DOCK2: variants seen among roughly 807,000 people sequenced by gnomAD.
DOCK2 encodes the protein dedicator of cytokinesis 2.
DOCK2 carries 87 observed loss-of-function variants against 248.9 expected under a neutral mutation model. That is an observed-to-expected ratio of 0.35 (90% confidence interval 0.29 to 0.42). The LOEUF (loss-of-function observed/expected upper bound fraction) is 0.42, where lower values mean the gene tolerates loss of function less well. Among genes scored for constraint, DOCK2 ranks in the 10% least tolerant of loss-of-function variants. DOCK2 has a pLI of 1.00. For synonymous variants in DOCK2, 805 were observed against 821.6 expected (o/e 0.98, Z 0.35); for missense variants, 1,747 against 2,300.2 (o/e 0.76, Z 4.92).
At chr5:169,922,324 T>A (rs1310495502) in intron 27 of DOCK2, among the ~76,000 whole-genome samples, 1 of 152,230 alleles carries the variant, frequency 6.6e-6, no homozygotes, top group Non-Finnish European at 1.5e-5. Context: ...GAACCCCTGA[T>A]AATATTCATC....
At chr5:169,823,525 G>A (rs1039375415) in intron 26 of DOCK2, among the ~76,000 whole-genome samples, 3 of 152,160 alleles carry the variant, frequency 2.0e-5, no homozygotes, top group Non-Finnish European at 2.9e-5. Flanking sequence ...AAAACCACAT[G>A]ACTGTCTCAA....
intron 27 of DOCK2, chr5:169,881,343 G>A (rs1772635627): frequency 5.8e-6 from 9 of 1,543,604 alleles, no homozygotes; most frequent in Admixed American, 2.0e-5. Context: ...GGTCTACAGA[G>A]CAGGCCTCGC....
At chr5:169,948,024 G>A (rs938172876) in intron 27 of DOCK2, among the ~76,000 whole-genome samples, 1 of 151,964 alleles carries the variant, frequency 6.6e-6, no homozygotes, top group Non-Finnish European at 1.5e-5. Flanking sequence ...CTTTCCTCTG[G>A]GGCTGATCCT....
intron 27 of DOCK2, among the ~76,000 whole-genome samples, chr5:169,867,513 A>G (rs1223648387): frequency 6.6e-6 from 1 of 151,434 alleles, no homozygotes; most frequent in Non-Finnish European, 1.5e-5. Context: ...TTATCTATTT[A>G]TCTATCTATC....
chr5:169,982,293 C>G (rs1042640633), intron 27 of DOCK2, among the ~76,000 whole-genome samples: 1 of 152,092 alleles, frequency 6.6e-6, no homozygotes, highest in African/African-American at 2.4e-5. Flanking sequence ...CTTGCAGACA[C>G]AGAAAACTCA....
At chr5:169,639,888 C>T (rs966727836) in intron 1 of DOCK2, among the ~76,000 whole-genome samples, 6 of 152,230 alleles carry the variant, frequency 3.9e-5, no homozygotes, top group Non-Finnish European at 5.9e-5. Context: ...ATACCACCAA[C>T]TGGGTGGCTT....
intron 27 of DOCK2, among the ~76,000 whole-genome samples, chr5:169,846,681 C>CAT (rs1352991204): frequency 2.0e-5 from 3 of 151,812 alleles, no homozygotes; most frequent in Admixed American, 6.6e-5. Flanking sequence ...TACACACACA[C>CAT]ATATATATAC....
At chr5:169,733,438 A>G (rs1159553514) in intron 22 of DOCK2, among the ~76,000 whole-genome samples, 1 of 151,806 alleles carries the variant, frequency 6.6e-6, no homozygotes, top group Non-Finnish European at 1.5e-5. Flanking sequence ...TTAAACAGTT[A>G]GTATTTATGT....
intron 34 of DOCK2, among the ~76,000 whole-genome samples, chr5:170,029,335 T>C (rs73800273): frequency 0.017 from 2,589 of 152,332 alleles, 85 homozygotes; most frequent in African/African-American, 0.058. Context: ...GTAGAATTCA[T>C]TGATTTTCAG....
intron 22 of DOCK2, among the ~76,000 whole-genome samples, chr5:169,719,161 C>T (rs563461696): frequency 6.6e-6 from 1 of 152,328 alleles, no homozygotes; most frequent in South Asian, 2.1e-4. Context: ...CTGACATTTA[C>T]TTGGCTCTTG....
chr5:170,047,415 T>C (rs948931826), intron 39 of DOCK2, 95 bp from the exon 40 acceptor site: 4 of 1,021,054 alleles, frequency 3.9e-6, no homozygotes, highest in Non-Finnish European at 5.9e-6. Flanking sequence ...TCATTGGCTC[T>C]GGTATAATGA....
intron 25 of DOCK2, among the ~76,000 whole-genome samples, chr5:169,782,473 G>A (rs535062104): frequency 3.3e-5 from 5 of 151,888 alleles, no homozygotes; most frequent in Admixed American, 6.6e-5. Flanking sequence ...CAACCTAGGG[G>A]GAGAACACTA....
At chr5:170,021,592 G>A (rs763631859) in intron 33 of DOCK2, among the ~76,000 whole-genome samples, 23 of 152,108 alleles carry the variant, frequency 1.5e-4, no homozygotes, top group Admixed American at 2.0e-4. Context: ...TGTTTTCTCC[G>A]TATAGAGTCA....
intron 39 of DOCK2, among the ~76,000 whole-genome samples, chr5:170,047,258 G>A (rs1035079557): frequency 5.6e-4 from 85 of 152,156 alleles, no homozygotes; most frequent in Non-Finnish European, 3.2e-4. Context: ...GCAAAATGGA[G>A]ATACTCATGG....
chr5:170,027,619 G>A (rs933170629), intron 33 of DOCK2, among the ~76,000 whole-genome samples: 4 of 152,022 alleles, frequency 2.6e-5, no homozygotes, highest in Non-Finnish European at 5.9e-5. Flanking sequence ...TCCTGCACTC[G>A]CGCTCTCTCG....
At chr5:170,027,540 C>T (rs1375192370) in intron 33 of DOCK2, among the ~76,000 whole-genome samples, 1 of 152,112 alleles carries the variant, frequency 6.6e-6, no homozygotes, top group Non-Finnish European at 1.5e-5. Context: ...TTCTATTTAA[C>T]CTTTGAAAAC....
chr5:169,785,547 T>A (rs140622479), intron 25 of DOCK2, among the ~76,000 whole-genome samples: 114 of 152,328 alleles, frequency 7.5e-4, no homozygotes, highest in African/African-American at 2.6e-3. Context: ...TTTACCAATA[T>A]CAAATGAATA....
chr5:169,978,033 C>A (rs948602840), intron 27 of DOCK2, among the ~76,000 whole-genome samples: 2 of 152,196 alleles, frequency 1.3e-5, no homozygotes, highest in Non-Finnish European at 2.9e-5. Flanking sequence ...TTTCATCTGT[C>A]TCTGAGCCTC....
intron 40 of DOCK2, 45 bp downstream of exon 40, chr5:170,047,659 C>A: frequency 6.4e-7 from 1 of 1,553,130 alleles, no homozygotes; most frequent in Non-Finnish European, 8.9e-7. Flanking sequence ...GCCCCAGGGC[C>A]TCGGCATCTC....
Sources: gnomAD v4.1 joint callset for allele counts (sites outside exome capture counted in the v4.1 genomes callset) on GRCh38, gnomAD v4.1.1 for gene constraint, MANE v1.5 for transcripts, NCBI Gene and HGNC (gene_info 2026-07-23, HGNC 2026-07-21) for gene names.